CACNA2D1: variants seen among roughly 807,000 people sequenced by gnomAD.
CACNA2D1 encodes the protein voltage-dependent calcium channel subunit alpha-2/delta-1.
A neutral mutation model predicts 171.5 loss-of-function variants in CACNA2D1; 53 were observed. The observed-to-expected ratio is 0.31, with a 90% CI of 0.25 to 0.39. The LOEUF is 0.39. Ranked by LOEUF, CACNA2D1 falls within the 10% of genes least tolerant of loss-of-function variation. The pLI, the probability that CACNA2D1 is intolerant of heterozygous loss-of-function variation, is 1.00. For missense variants in CACNA2D1, 903 were observed against 1,299.8 expected (o/e 0.69, Z 4.69); for synonymous variants, 442 against 443.1 (o/e 1.00, Z 0.03).
chr7:82,359,098 A>G (rs1181117289), intron 1 of CACNA2D1, among the ~76,000 whole-genome samples: 1 of 152,136 alleles, frequency 6.6e-6, no homozygotes. Flanking sequence ...AGTCCCGGGT[A>G]GCCTGATGCC....
At chr7:82,024,695 T>C (rs1248951156) in intron 12 of CACNA2D1, among the ~76,000 whole-genome samples, 1 of 151,718 alleles carries the variant, frequency 6.6e-6, no homozygotes, top group East Asian at 1.9e-4. Flanking sequence ...TTTTTAGTGC[T>C]GTATCCATGA....
intron 1 of CACNA2D1, among the ~76,000 whole-genome samples, chr7:82,425,703 T>C (rs1829109549): frequency 2.0e-5 from 3 of 151,446 alleles, no homozygotes; most frequent in African/African-American, 7.3e-5. Flanking sequence ...CAGACAATTA[T>C]TTAATTTTCA....
chr7:82,102,647 G>C (rs898449784), intron 6 of CACNA2D1, among the ~76,000 whole-genome samples: 1 of 152,082 alleles, frequency 6.6e-6, no homozygotes, highest in Non-Finnish European at 1.5e-5. Flanking sequence ...TTCATTCAAC[G>C]AAGGAACTTA....
chr7:82,374,664 A>G (rs1822804151), intron 1 of CACNA2D1, among the ~76,000 whole-genome samples: 1 of 152,158 alleles, frequency 6.6e-6, no homozygotes, highest in Non-Finnish European at 1.5e-5. Flanking sequence ...CACCTTAATA[A>G]TAAAAGCTTT....
intron 6 of CACNA2D1, among the ~76,000 whole-genome samples, chr7:82,110,905 A>G (rs1788299283): frequency 6.6e-6 from 1 of 152,048 alleles, no homozygotes; most frequent in African/African-American, 2.4e-5. Context: ...GATATACACT[A>G]TTATTTTAAT....
intron 21 of CACNA2D1, among the ~76,000 whole-genome samples, chr7:81,990,568 T>A (rs1303627836): frequency 6.6e-6 from 1 of 150,652 alleles, no homozygotes; most frequent in Non-Finnish European, 1.5e-5. Context: ...ACAGAATGAG[T>A]AATGACGACA....
intron 3 of CACNA2D1, among the ~76,000 whole-genome samples, chr7:82,275,714 A>C (rs1187972712): frequency 1.3e-5 from 2 of 152,150 alleles, no homozygotes; most frequent in South Asian, 2.1e-4. Context: ...AAAGAGTAGC[A>C]GCGCTCAGAT....
At chr7:82,000,258 G>GAAAA (rs201534245) in intron 18 of CACNA2D1, among the ~76,000 whole-genome samples, 12 of 151,400 alleles carry the variant, frequency 7.9e-5, no homozygotes, top group South Asian at 2.1e-4. Context: ...ACCCATCTCA[G>GAAAA]AAAAAAAATA....
At chr7:82,244,243 G>T (rs1218369984) in intron 3 of CACNA2D1, among the ~76,000 whole-genome samples, 1 of 152,000 alleles carries the variant, frequency 6.6e-6, no homozygotes, top group Non-Finnish European at 1.5e-5. Flanking sequence ...CATTTATTAG[G>T]ATTTTAATCA....
At chr7:82,364,720 A>G (rs1434850522) in intron 1 of CACNA2D1, among the ~76,000 whole-genome samples, 5 of 152,180 alleles carry the variant, frequency 3.3e-5, no homozygotes, top group African/African-American at 9.7e-5. Context: ...CATAGTGTAT[A>G]TACTTTCCAT....
chr7:82,238,977 T>C (rs1183071216), intron 3 of CACNA2D1, among the ~76,000 whole-genome samples: 1 of 152,040 alleles, frequency 6.6e-6, no homozygotes, highest in Non-Finnish European at 1.5e-5. Flanking sequence ...GAAAATAAAA[T>C]CATTGAGTAG....
chr7:82,166,712 A>T (rs1300411173), intron 4 of CACNA2D1, among the ~76,000 whole-genome samples: 1 of 152,022 alleles, frequency 6.6e-6, no homozygotes, highest in African/African-American at 2.4e-5. Context: ...TTTAACACCC[A>T]TAAATTGTAT....
intron 3 of CACNA2D1, among the ~76,000 whole-genome samples, chr7:82,219,589 T>C (rs1801534393): frequency 6.6e-6 from 1 of 152,114 alleles, no homozygotes; most frequent in South Asian, 2.1e-4. Flanking sequence ...TTTTAACCAT[T>C]TTAGAAAGAT....
rs117085408 is a variant in CACNA2D1, at chr7:82,237,044, A to G, written c.295-66435T>C. On this transcript the variant is annotated intron_variant, in intron 3 of 38. Coordinates refer to ENST00000356860, the MANE Select transcript of CACNA2D1 (RefSeq NM_000722.4). ...TTTAATGGATCCACTTAAATCATAA[A>G]CCAGCACTTGTAAAATTAAAAATTA... Among the ~76,000 whole-genome samples, 910 of 152,074 alleles carry G rather than the reference A, an allele frequency of 6.0e-3. 4 individuals are homozygous for G. Among genetic ancestry groups the G allele is most frequent in the Middle Eastern group, 0.014 (4 of 294 alleles).
intron 4 of CACNA2D1, among the ~76,000 whole-genome samples, chr7:82,149,993 C>T (rs1041709121): frequency 6.6e-6 from 1 of 151,016 alleles, no homozygotes; most frequent in African/African-American, 2.4e-5. Context: ...TGTGTGTGTG[C>T]ATGTGTGTGT....
chr7:82,166,136 G>A (rs1795434578), intron 4 of CACNA2D1, among the ~76,000 whole-genome samples: 1 of 151,956 alleles, frequency 6.6e-6, no homozygotes, highest in Non-Finnish European at 1.5e-5. Flanking sequence ...TAATGCCGGT[G>A]CCTATTAGTT....
At chr7:82,195,619 C>G (rs1042055467) in intron 3 of CACNA2D1, among the ~76,000 whole-genome samples, 1 of 151,652 alleles carries the variant, frequency 6.6e-6, no homozygotes, top group East Asian at 1.9e-4. Context: ...AACATGTTAT[C>G]TCTCCCAGAG....
intron 3 of CACNA2D1, among the ~76,000 whole-genome samples, chr7:82,243,702 C>T (rs1156817393): frequency 1.3e-5 from 2 of 152,138 alleles, no homozygotes; most frequent in South Asian, 4.1e-4. Context: ...TGTGGCTTAC[C>T]TATACTCCCA....
At chr7:82,048,849 A>G (rs1229135469) in intron 10 of CACNA2D1, among the ~76,000 whole-genome samples, 1 of 152,128 alleles carries the variant, frequency 6.6e-6, no homozygotes, top group Non-Finnish European at 1.5e-5. Flanking sequence ...ACTCACATAC[A>G]TGACATCTTT....
Sources: allele counts gnomAD v4.1 joint callset (sites outside exome capture counted in the v4.1 genomes callset), GRCh38; gene constraint gnomAD v4.1.1; transcripts MANE v1.5; gene names NCBI Gene and HGNC (gene_info 2026-07-23, HGNC 2026-07-21).